RNGTT: variants seen among roughly 807,000 people sequenced by gnomAD.
The protein encoded by RNGTT is mRNA-capping enzyme.
Under a neutral mutation model 79.3 loss-of-function variants are expected in RNGTT, and 33 were observed. That is an observed-to-expected ratio of 0.42 (90% confidence interval 0.32 to 0.56). The LOEUF is 0.56. Ranked by LOEUF, RNGTT falls within the 20% of genes least tolerant of loss-of-function variation. RNGTT has a pLI of 0.17. For missense variants in RNGTT, 497 were observed against 739.1 expected (o/e 0.67, Z 3.80); for synonymous variants, 222 against 235.9 (o/e 0.94, Z 0.54).
At chr6:88,815,104 A>G (rs1380928490) in intron 11 of RNGTT, among the ~76,000 whole-genome samples, 1 of 152,166 alleles carries the variant, frequency 6.6e-6, no homozygotes, top group African/African-American at 2.4e-5. Context: ...CTGATCTCCA[A>G]AGAAACTAGA....
At chr6:88,948,198 C>T (rs1384885657) in intron 1 of RNGTT, among the ~76,000 whole-genome samples, 10 of 22,830 alleles carry the variant, frequency 4.4e-4, no homozygotes, top group Non-Finnish European at 7.0e-4. Flanking sequence ...TCAGCCCCCC[C>T]GCCCGGCCAG....
At chr6:88,923,680 T>C (rs1459328040) in intron 4 of RNGTT, among the ~76,000 whole-genome samples, 1 of 152,136 alleles carries the variant, frequency 6.6e-6, no homozygotes, top group Non-Finnish European at 1.5e-5. Flanking sequence ...AGGCCACTTT[T>C]ACCCACCTAA....
chr6:88,934,845 C>T (rs1321220647), intron 2 of RNGTT, among the ~76,000 whole-genome samples: 2 of 152,082 alleles, frequency 1.3e-5, no homozygotes, highest in East Asian at 3.9e-4. Flanking sequence ...AATTCCTGGC[C>T]TCAAGCAATC....
Position 88,611,026 on chromosome 6 carries a change from C to A in RNGTT, c.*1693G>T, listed in dbSNP as rs932372190. The A allele has an allele frequency of 1.3e-5, 2 of 152,086 alleles. No homozygotes were observed. Among genetic ancestry groups the A allele is most frequent in the African/African-American group, 4.8e-5 (2 of 41,412 alleles). 9.4% of individuals were successfully genotyped at this position (152,086 alleles called of 1,614,324 possible). On this transcript the variant is annotated 3_prime_UTR_variant, in exon 16 of 16. Transcript: ENST00000369485. ...CCTCCTTCAATAGTCATTGTGGCAT[C>A]AGTTGTTTTAATCCCTTTAGCGCCC...
intron 12 of RNGTT, among the ~76,000 whole-genome samples, chr6:88,788,673 G>A (rs1219265393): frequency 6.6e-6 from 1 of 152,120 alleles, no homozygotes; most frequent in Non-Finnish European, 1.5e-5. Context: ...CCTCCATGCA[G>A]TCACCTAAGG....
chr6:88,905,027 TTA>T, intron 5 of RNGTT, 72 bp from the exon 6 acceptor site: 1 of 1,548,774 alleles, frequency 6.5e-7, no homozygotes. Context: ...AACTCACTTA[TTA>T]TATTCAAGGC....
chr6:88,773,185 T>C lies in RNGTT; in HGVS notation c.1339-3311A>G, dbSNP rs1226990823. On this transcript the variant is annotated intron_variant, in intron 12 of 15. Transcript: ENST00000369485. Reference sequence around the variant, plus strand: ...GCCCTTTGTAGGGACATGGATGAAATTGGAAATCATCATTCTCAGTAAACT... The same window carrying C: ...GCCCTTTGTAGGGACATGGATGAAACTGGAAATCATCATTCTCAGTAAACT... Among the ~76,000 whole-genome samples the C allele has an allele frequency of 4.0e-3, 599 of 150,376 alleles. 3 individuals carry two copies. The highest frequency in any genetic ancestry group is 7.2e-3 in the African/African-American group (293 of 40,830).
intron 13 of RNGTT, among the ~76,000 whole-genome samples, chr6:88,706,583 T>C (rs1040274470): frequency 9.9e-5 from 15 of 152,038 alleles, no homozygotes; most frequent in African/African-American, 3.6e-4. Flanking sequence ...AAAAACTCTT[T>C]CGACTAGCAC....
At chr6:88,877,576 C>T (rs941186911) in intron 8 of RNGTT, among the ~76,000 whole-genome samples, 3 of 152,202 alleles carry the variant, frequency 2.0e-5, no homozygotes, top group Non-Finnish European at 2.9e-5. Flanking sequence ...TAACCTCAGA[C>T]GCCACACCAG....
chr6:88,654,747 G>A (rs570158062), intron 14 of RNGTT, among the ~76,000 whole-genome samples: 1 of 152,236 alleles, frequency 6.6e-6, no homozygotes, highest in African/African-American at 2.4e-5. Flanking sequence ...GGCAGCATTA[G>A]CTGGACAAGT....
intron 9 of RNGTT, among the ~76,000 whole-genome samples, chr6:88,852,466 T>C (rs1282254623): frequency 2.6e-5 from 4 of 152,098 alleles, no homozygotes; most frequent in African/African-American, 9.7e-5. Flanking sequence ...CTGCCACAAA[T>C]GACTATGACT....
At chr6:88,795,261 C>A (rs576756964) in intron 12 of RNGTT, among the ~76,000 whole-genome samples, 10 of 152,146 alleles carry the variant, frequency 6.6e-5, no homozygotes, top group Admixed American at 5.9e-4. Flanking sequence ...ACAGGTGTAG[C>A]TTAAAAACAC....
chr6:88,656,307 G>A (rs893587124), intron 14 of RNGTT, among the ~76,000 whole-genome samples: 2 of 152,066 alleles, frequency 1.3e-5, no homozygotes, highest in African/African-American at 4.8e-5. Flanking sequence ...TTCATTTATA[G>A]TATAAAACTA....
chr6:88,862,375 C>A (rs527693969), intron 8 of RNGTT, among the ~76,000 whole-genome samples: 14 of 152,234 alleles, frequency 9.2e-5, no homozygotes, highest in Admixed American at 7.9e-4. Flanking sequence ...AGACCAAGGA[C>A]AGGGTTTGGG....
At chr6:88,725,029 T>C (rs1399663764) in intron 13 of RNGTT, among the ~76,000 whole-genome samples, 2 of 152,202 alleles carry the variant, frequency 1.3e-5, no homozygotes, top group African/African-American at 4.8e-5. Context: ...GGCACACCCT[T>C]CTATAGAAGT....
intron 11 of RNGTT, among the ~76,000 whole-genome samples, chr6:88,834,247 C>A (rs1357091672): frequency 2.0e-5 from 3 of 152,080 alleles, no homozygotes; most frequent in Non-Finnish European, 2.9e-5. Flanking sequence ...ATTTACTACT[C>A]CAAAAGAAGT....
intron 13 of RNGTT, among the ~76,000 whole-genome samples, chr6:88,689,449 C>A (rs1562196142): frequency 6.6e-6 from 1 of 151,908 alleles, no homozygotes; most frequent in Admixed American, 6.6e-5. Context: ...CAAAAATTAG[C>A]CAGGCATGGT....
At chr6:88,828,184 C>G (rs540210265) in intron 11 of RNGTT, among the ~76,000 whole-genome samples, 13 of 152,214 alleles carry the variant, frequency 8.5e-5, no homozygotes, top group Non-Finnish European at 1.8e-4. Flanking sequence ...GACAAAGCTT[C>G]CGGAGGAAGA....
rs1771986725 is a variant in RNGTT, at chr6:88,610,593, C to T, written c.*2126G>A. 1 of 152,170 alleles carries T rather than the reference C, an allele frequency of 6.6e-6. No homozygotes were observed. Among genetic ancestry groups the T allele is most frequent in the African/African-American group, 2.4e-5 (1 of 41,432 alleles). The allele number at this position is 152,170 out of a possible 1,614,324, so 9.4% of individuals were successfully genotyped here. A position where few individuals can be genotyped will look rare whatever the true frequency, so the allele number is the denominator to read the frequency against. On this transcript the variant is annotated 3_prime_UTR_variant, in exon 16 of 16. Transcript: ENST00000369485. Reference sequence around the variant, plus strand: ...CTTCTAAATGACTTTTATAATACTGCAGATGGTATTATGTTCAGGGGCTAA... The same window carrying T: ...CTTCTAAATGACTTTTATAATACTGTAGATGGTATTATGTTCAGGGGCTAA...
Sources: allele counts gnomAD v4.1 joint callset (sites outside exome capture counted in the v4.1 genomes callset), GRCh38; gene constraint gnomAD v4.1.1; transcripts MANE v1.5; gene names NCBI Gene and HGNC (gene_info 2026-07-23, HGNC 2026-07-21).